CDH12: variants seen among roughly 807,000 people sequenced by gnomAD.
CDH12 encodes the protein cadherin 12, also known as cadherin-12.
A neutral mutation model predicts 74.1 loss-of-function variants in CDH12; 41 were observed. The observed-to-expected ratio is 0.55, with a 90% CI of 0.43 to 0.72. The LOEUF (loss-of-function observed/expected upper bound fraction) is 0.72. Among genes scored for constraint, CDH12 ranks in the 30% least tolerant of loss-of-function variants. The probability of loss-of-function intolerance (pLI) is 0.00; values close to 1 mark genes in which losing one functional copy is unlikely to be tolerated. For synonymous variants in CDH12, 399 were observed against 355.0 expected (o/e 1.12, Z -1.39); for missense variants, 945 against 977.2 (o/e 0.97, Z 0.44).
chr5:22,830,796 G>A (rs1736569633), intron 1 of CDH12, among the ~76,000 whole-genome samples: 1 of 151,328 alleles, frequency 6.6e-6, no homozygotes, highest in African/African-American at 2.4e-5. Context: ...TTCCATTAGA[G>A]AGAAAGAAAA....
chr5:22,797,496 T>A (rs879434740), intron 1 of CDH12, among the ~76,000 whole-genome samples: 2 of 152,222 alleles, frequency 1.3e-5, no homozygotes, highest in Non-Finnish European at 2.9e-5. Context: ...GGCTTCTGAC[T>A]CTAGTAACTA....
intron 6 of CDH12, among the ~76,000 whole-genome samples, chr5:21,960,778 G>C (rs1466394468): frequency 6.6e-6 from 1 of 151,774 alleles, no homozygotes; most frequent in African/African-American, 2.4e-5. Flanking sequence ...TTATATGTTT[G>C]CCTGTCTTTC....
intron 3 of CDH12, among the ~76,000 whole-genome samples, chr5:22,379,698 A>C (rs1741678932): frequency 6.6e-6 from 1 of 152,116 alleles, no homozygotes; most frequent in Admixed American, 6.6e-5. Flanking sequence ...TACTGGCCAA[A>C]TATGTTTGAA....
chr5:21,839,022 T>C (rs561134210), intron 8 of CDH12, among the ~76,000 whole-genome samples: 3 of 152,328 alleles, frequency 2.0e-5, no homozygotes, highest in South Asian at 2.1e-4. Flanking sequence ...ATTGAACATA[T>C]TTCATATGCA....
At chr5:22,553,671 C>T (rs1167830562) in intron 1 of CDH12, among the ~76,000 whole-genome samples, 1 of 152,226 alleles carries the variant, frequency 6.6e-6, no homozygotes, top group African/African-American at 2.4e-5. Context: ...GATAGTAAGA[C>T]TAAACACTGA....
chr5:21,957,276 T>C (rs1448378146), intron 6 of CDH12, among the ~76,000 whole-genome samples: 1 of 152,174 alleles, frequency 6.6e-6, no homozygotes. Context: ...TATAGCTCCA[T>C]GGTGTCTATA....
intron 2 of CDH12, among the ~76,000 whole-genome samples, chr5:22,494,681 A>G (rs1319764143): frequency 1.3e-5 from 2 of 152,190 alleles, no homozygotes; most frequent in Non-Finnish European, 1.5e-5. Context: ...CCAAGAACCT[A>G]TTGATGATGT....
chr5:21,976,260 G>C (rs1757066229), intron 5 of CDH12, among the ~76,000 whole-genome samples: 1 of 152,032 alleles, frequency 6.6e-6, no homozygotes, highest in South Asian at 2.1e-4. Context: ...TTCAACACAT[G>C]TATGGTACAT....
At chr5:22,452,379 A>C (rs912316352) in intron 2 of CDH12, among the ~76,000 whole-genome samples, 3 of 151,984 alleles carry the variant, frequency 2.0e-5, no homozygotes, top group African/African-American at 7.2e-5. Context: ...AGACACATAG[A>C]CCAATGGAAC....
At chr5:22,528,432 C>T (rs901078370) in intron 1 of CDH12, among the ~76,000 whole-genome samples, 5 of 152,114 alleles carry the variant, frequency 3.3e-5, no homozygotes, top group Admixed American at 1.3e-4. Flanking sequence ...GAATACCCTC[C>T]TTTTAACATT....
intron 6 of CDH12, among the ~76,000 whole-genome samples, chr5:21,943,613 A>G (rs932725860): frequency 1.3e-5 from 2 of 152,198 alleles, no homozygotes; most frequent in African/African-American, 4.8e-5. Context: ...TGTGTAGGAA[A>G]TAAGAATGGA....
intron 3 of CDH12, among the ~76,000 whole-genome samples, chr5:22,223,100 A>G (rs1752076711): frequency 6.6e-6 from 1 of 152,036 alleles, no homozygotes; most frequent in South Asian, 2.1e-4. Context: ...AAGGGTCTCT[A>G]TAAAGACTGC....
At chr5:22,716,427 C>T (rs1212148762) in intron 1 of CDH12, among the ~76,000 whole-genome samples, 1 of 120,226 alleles carries the variant, frequency 8.3e-6, no homozygotes, top group East Asian at 2.9e-4. Flanking sequence ...CAACGTACTA[C>T]TCATGTGTTT....
chr5:22,821,601 A>G (rs1749703153), intron 1 of CDH12, among the ~76,000 whole-genome samples: 1 of 152,172 alleles, frequency 6.6e-6, no homozygotes. Context: ...ACAGACAGAG[A>G]GCCAAATCAT....
intron 3 of CDH12, among the ~76,000 whole-genome samples, chr5:22,268,656 A>G (rs1432646894): frequency 2.0e-5 from 3 of 152,160 alleles, no homozygotes; most frequent in Non-Finnish European, 4.4e-5. Flanking sequence ...TTCAAACCCT[A>G]CACTGTGTAT....
chr5:22,522,761 C>G (rs1737110132), intron 1 of CDH12, among the ~76,000 whole-genome samples: 1 of 152,180 alleles, frequency 6.6e-6, no homozygotes, highest in Non-Finnish European at 1.5e-5. Flanking sequence ...TCTATTCTTT[C>G]TCACTACCTC....
At chr5:22,555,644 C>T (rs753497840) in intron 1 of CDH12, among the ~76,000 whole-genome samples, 49 of 151,840 alleles carry the variant, frequency 3.2e-4, no homozygotes, top group Non-Finnish European at 4.1e-4. Context: ...TTTATCATTT[C>T]GTGGTCATCT....
chr5:22,400,626 T>C (rs1054946018), intron 3 of CDH12, among the ~76,000 whole-genome samples: 3 of 151,980 alleles, frequency 2.0e-5, no homozygotes, highest in Non-Finnish European at 2.9e-5. Context: ...GCAAAACAGA[T>C]AGACAGATTT....
At chr5:22,528,972 C>A (rs1364939784) in intron 1 of CDH12, among the ~76,000 whole-genome samples, 1 of 112,146 alleles carries the variant, frequency 8.9e-6, no homozygotes, top group African/African-American at 3.0e-5. Flanking sequence ...GTATCAAAAT[C>A]TATATTAGGC....
Sources: gnomAD v4.1 joint callset for allele counts (sites outside exome capture counted in the v4.1 genomes callset) on GRCh38, gnomAD v4.1.1 for gene constraint, MANE v1.5 for transcripts, NCBI Gene and HGNC (gene_info 2026-07-23, HGNC 2026-07-21) for gene names.